GPS2: variants seen among roughly 807,000 people sequenced by gnomAD.
GPS2 encodes the protein GPS-2.
In GPS2, 22 loss-of-function variants were observed where a neutral mutation model predicts 48.1. The ratio of observed to expected loss-of-function variants is 0.46; its 90% CI spans 0.33 to 0.65. The LOEUF (loss-of-function observed/expected upper bound fraction) is 0.65. Among genes scored for constraint, GPS2 ranks in the 30% least tolerant of loss-of-function variants. The probability of loss-of-function intolerance (pLI) is 0.03; values close to 1 mark genes in which losing one functional copy is unlikely to be tolerated. For missense variants in GPS2, 366 were observed against 406.8 expected (o/e 0.90, Z 0.86); for synonymous variants, 202 against 142.5 (o/e 1.42, Z -2.98).
At chr17:7,313,349 G>C in intron 8 of GPS2, 31 bp downstream of exon 8, 1 of 1,611,752 alleles carries the variant, frequency 6.2e-7, no homozygotes, top group Non-Finnish European at 8.5e-7. Context: ...GAGGACCTGA[G>C]AGCTAGAGCT....
At chr17:7,312,944 T>C (rs1336221151) in intron 10 of GPS2, 85 bp downstream of exon 10, 1 of 1,457,348 alleles carries the variant, frequency 6.9e-7, no homozygotes, top group African/African-American at 1.4e-5. Flanking sequence ...AACCAGATGA[T>C]GTGGGCCACC....
intron 1 of GPS2, 59 bp downstream of exon 1, chr17:7,315,272 G>C (rs540842172): frequency 3.0e-6 from 1 of 332,444 alleles, no homozygotes; most frequent in Admixed American, 4.9e-5. Context: ...CGGCGCCGGG[G>C]TCCCCGGCTC....
In GPS2 at chr17:7,314,132, T is replaced by C. The variant is rs1273817522; in HGVS notation, c.345A>G (p.Ala115=). The C allele has an allele frequency of 5.6e-6, 9 of 1,614,058 alleles. No individual in the cohort carries two copies. Among genetic ancestry groups the C allele is most frequent in the Non-Finnish European group, 7.6e-6 (9 of 1,179,950 alleles). The stretch of plus-strand genomic sequence containing the variant: ...TGTGAACAGTCAGGCTCTGCTGGTA[T>C]GCAGCTGATGTTAGGGTGGTCAGGT... The part of the protein sequence containing the change: ...QSDLTTLTSA[A]YQQSLTVHTG... The change falls in exon 5 of 11, where the codon GCA becomes GCG. Residue 115 remains alanine, a synonymous_variant. Coordinates refer to ENST00000380728, the MANE Select transcript of GPS2 (RefSeq NM_004489.5).
At position 7,313,705 on chromosome 17, in the gene GPS2, C is replaced by T. The variant is rs773643640; in HGVS notation, c.497G>A (p.Gly166Asp). 1 of 1,614,076 alleles carries T rather than the reference C, an allele frequency of 6.2e-7. No individual in the cohort carries two copies. ...PQVLTTRHYV[G>D]SAAAFAGTPE... ...TGTCCCTGCAAAAGCAGCTGCTGAG[C>T]CCACGTAGTGCCGGGTCTAAGGAAG... The change falls in exon 7 of 11, where the codon GGC becomes GAC. Residue 166 changes from glycine to aspartate, a missense_variant. Gly to Asp is a moderately conservative substitution (Grantham distance 94). Transcript: ENST00000380728.
intron 8 of GPS2, 34 bp from the exon 9 acceptor site, chr17:7,313,325 T>C (rs759448795): frequency 3.7e-6 from 6 of 1,611,762 alleles, no homozygotes; most frequent in Non-Finnish European, 4.2e-6. Context: ...GAGATGAGAA[T>C]GAAACAGGGA....
At chr17:7,314,225 G>T in intron 4 of GPS2, 66 bp from the exon 5 acceptor site, 1 of 1,591,786 alleles carries the variant, frequency 6.3e-7, no homozygotes, top group African/African-American at 1.3e-5. Flanking sequence ...TTAAACACTG[G>T]TTCTTTTACT....
chr17:7,312,936 C>G (rs770914570), intron 10 of GPS2, 93 bp downstream of exon 10: 1 of 1,477,866 alleles, frequency 6.8e-7, no homozygotes, highest in Non-Finnish European at 9.4e-7. Flanking sequence ...GAAGGAAAAA[C>G]CAGATGATGT....
rs1352919488 is a variant in GPS2, at chr17:7,314,667, C to A, written c.95-70G>T. ...AATTCCAACGTTACAGATTGAAGAC[C>A]AGCAAAACCCAGTCATCCCAACACG... is the stretch of plus-strand genomic sequence containing the variant. On this transcript the variant is annotated intron_variant, in intron 2 of 10. Transcript: ENST00000380728. The A allele has an allele frequency of 1.6e-5, 26 of 1,605,936 alleles. No individual in the cohort carries two copies. The Admixed American group carries it at 4.2e-4, about 26-fold the overall frequency.
intron 6 of GPS2, 62 bp downstream of exon 6, chr17:7,313,844 T>C: frequency 1.3e-6 from 2 of 1,569,188 alleles, no homozygotes; most frequent in South Asian, 2.2e-5. Flanking sequence ...GTGACTTGAA[T>C]ACTGGTGGCA....
chr17:7,313,975 T>C lies in GPS2; in HGVS notation c.411A>G (p.Gly137=), dbSNP rs746446577. The change falls in exon 6 of 11, where the codon GGA becomes GGG. Residue 137 remains glycine, a synonymous_variant. Transcript: ENST00000380728. ...CCATGAGGGTGCCTGGGCGATTGTG[T>C]CCTCCAGGGCTCCCTAGAAAGGGAG... ...HLLSMQGSPG[G]HNRPGTLMAA... 1.2e-5 allele frequency: 20 copies of C among 1,614,006 alleles called. No homozygotes were observed. The highest frequency in any genetic ancestry group is 1.7e-5 in the Non-Finnish European group (20 of 1,179,934).
intron 10 of GPS2, 71 bp from the exon 11 acceptor site, chr17:7,312,910 AACC>A: frequency 1.3e-6 from 2 of 1,503,182 alleles, no homozygotes; most frequent in Non-Finnish European, 1.9e-6. Context: ...CCCTACTGAT[AACC>A]ACCCCCAAAG....
chr17:7,315,262 C>G (rs2143010776), intron 1 of GPS2, 69 bp downstream of exon 1: 1 of 322,558 alleles, frequency 3.1e-6, no homozygotes, highest in East Asian at 4.8e-5. Flanking sequence ...CGCGCGCGGG[C>G]GGCGCCGGGG....
rs561771120 is a variant in GPS2 at position 7,314,835 on chromosome 17, G to C, written c.94+124C>G. On this transcript the variant is annotated intron_variant, in intron 2 of 10. Transcript: ENST00000380728. ...AGGACGCTTAAATCCCACCACAACG[G>C]GGCTATTCCTTCCCTCCTCTGCGCT... is the stretch of plus-strand genomic sequence containing the variant. The C allele has an allele frequency of 3.0e-4, 388 of 1,308,820 alleles. No individual in the cohort carries two copies. The African/African-American group carries it at 4.6e-3, about 16-fold the overall frequency. 81.1% of individuals were successfully genotyped at this position (1,308,820 alleles called of 1,614,324 possible).
intron 4 of GPS2, 22 bp downstream of exon 4, chr17:7,314,269 G>A (rs769918037): frequency 1.4e-5 from 23 of 1,611,208 alleles, no homozygotes; most frequent in Admixed American, 5.0e-5. Flanking sequence ...CCCCATTTCA[G>A]TTTTTAGCAC....
Position 7,313,456 on chromosome 17 carries a change from G to A in GPS2, c.648C>T (p.Phe216=), listed in dbSNP as rs751860704. The change falls in exon 8 of 11, where the codon TTC becomes TTT. Residue 216 remains phenylalanine (F), a synonymous_variant. Coordinates refer to ENST00000380728, the MANE Select transcript of GPS2 (RefSeq NM_004489.5). Reference sequence around the variant, plus strand: ...GCTGAGATAGGTACTGCACTGCAGGGAATGCCGAAGGAGCTGAGAAAGGAA... The same window carrying A: ...GCTGAGATAGGTACTGCACTGCAGGAAATGCCGAAGGAGCTGAGAAAGGAA... ...PSQQLRAPSA[F]PAVQYLSQPQ... 12 of 1,614,156 alleles carry A rather than the reference G, an allele frequency of 7.4e-6. No homozygotes were observed. Among genetic ancestry groups the A allele is most frequent in the African/African-American group, 1.3e-5 (1 of 75,046 alleles).
Position 7,314,396 on chromosome 17 carries a change from T to A in GPS2, c.212A>T (p.Lys71Met). ...TAGAGCCAAAAGCTTCTCCTCCAACTTCAGAATCTGGGATGGGGTGGGAAA... is the reference window on the plus strand; with the variant it reads ...TAGAGCCAAAAGCTTCTCCTCCAACATCAGAATCTGGGATGGGGTGGGAAA... ...SLEETKEQIL[K>M]LEEKLLALQE... Residue 71 changes from lysine to methionine, a missense_variant, in exon 4 of 11, where the codon AAG becomes ATG. Transcript: ENST00000380728. 6.2e-7 allele frequency: 1 copy of A among 1,614,138 alleles called. No homozygotes were observed. The highest frequency in any genetic ancestry group is 1.6e-4 in the Middle Eastern group (1 of 6,062).
rs748734044 is a variant in GPS2 at position 7,313,385 on chromosome 17, T to G, written c.719A>C (p.Gln240Pro). 8 of 1,614,028 alleles carry G rather than the reference T, an allele frequency of 5.0e-6. No homozygotes were observed. In the Admixed American group the frequency reaches 1.3e-4, roughly 27 times the overall value. ...CCTGCATGGGATGTTATCACCTGTCTGAGTGGGCTGAAAGTGGCCATGCAC... is the reference window on the plus strand; with the variant it reads ...CCTGCATGGGATGTTATCACCTGTCGGAGTGGGCTGAAAGTGGCCATGCAC... ...YAVHGHFQPT[Q>P]TGFLQPGGAL... Residue 240 changes from glutamine (Q) to proline (P), a missense_variant, in exon 8 of 11, where the codon CAG (glutamine) becomes CCG (proline). By Grantham distance (76) the Gln-to-Pro change is moderately conservative. Coordinates refer to ENST00000380728, the MANE Select transcript of GPS2 (RefSeq NM_004489.5).
Position 7,313,550 on chromosome 17 carries a change from A to T in GPS2, c.634+18T>A, listed in dbSNP as rs1018560188. On this transcript the variant is annotated intron_variant, in intron 7 of 10. Transcript: ENST00000380728. The stretch of plus-strand genomic sequence containing the variant: ...TTGACCTTGAGGAAGGCCAAGCCCC[A>T]TCCCTCCTATTACTCACCTCTGAGC... The T allele has an allele frequency of 2.5e-6, 4 of 1,613,378 alleles. No individual in the cohort carries two copies. The African/African-American group carries it at 4.0e-5, about 16-fold the overall frequency.
In GPS2 at chr17:7,313,474, G is replaced by A. The variant is rs756918890; in HGVS notation, c.635-5C>T. On this transcript the variant is annotated splice_polypyrimidine_tract_variant and splice_region_variant and intron_variant, in intron 7 of 10. Transcript: ENST00000380728. ...CTGCAGGGAATGCCGAAGGAGCTGA[G>A]AAAGGAAAAGACAGAGCCATTAAAA... 6 of 1,613,988 alleles carry A rather than the reference G, an allele frequency of 3.7e-6. No homozygotes were observed. The highest frequency in any genetic ancestry group is 2.2e-5 in the South Asian group (2 of 91,078).
Sources: allele counts gnomAD v4.1 joint callset, GRCh38; gene constraint gnomAD v4.1.1; transcripts MANE v1.5; gene names NCBI Gene and HGNC (gene_info 2026-07-23, HGNC 2026-07-21).